Variants in SORCS3 observed in about 807,000 individuals in gnomAD.
The protein encoded by SORCS3 is sortilin related VPS10 domain containing receptor 3, also known as VPS10 domain-containing receptor SorCS3.
SORCS3 carries 57 observed loss-of-function variants against 146.3 expected under a neutral mutation model. That is an observed-to-expected ratio of 0.39 (90% CI 0.31 to 0.49). SORCS3 has a LOEUF of 0.49. Ranked by LOEUF, SORCS3 falls within the 20% of genes least tolerant of loss-of-function variation. SORCS3 has a pLI of 0.92. For synonymous variants in SORCS3, 653 were observed against 618.5 expected, an observed-to-expected ratio of 1.06 and a Z score of -0.83; for missense variants, 1,341 against 1,575.5, an observed-to-expected ratio of 0.85 and a Z score of 2.52.
chr10:104,664,536 C>T (rs776971535), intron 1 of SORCS3: 2 of 152,214 alleles, frequency 1.3e-5, no homozygotes, highest in African/African-American at 4.8e-5. Context: ...CTGCTTATGT[C>T]ACCACATTCC....
Position 104,696,138 on chromosome 10 carries a change from A to G in SORCS3, c.627+54184A>G, listed in dbSNP as rs2016180964. Among the ~76,000 whole-genome samples the G allele has an allele frequency of 1.9e-5, 2 of 106,820 alleles. 1 individual carries two copies. The highest frequency in any genetic ancestry group is 7.2e-5 in the African/African-American group (2 of 27,806). 70.1% of individuals were successfully genotyped at this position (106,820 alleles called of 152,430 possible). ...TATATATAATATATATCATATACAC[A>G]TATTATATATAATATATATACACAT... On this transcript the variant is annotated intron_variant, in intron 1 of 26. Coordinates refer to ENST00000369701, the MANE Select transcript of SORCS3 (RefSeq NM_014978.3).
At chr10:105,144,085 G>C (rs1375794413) in intron 8 of SORCS3, among the ~76,000 whole-genome samples, 2 of 152,144 alleles carry the variant, frequency 1.3e-5, no homozygotes, top group African/African-American at 4.8e-5. Flanking sequence ...TTAAAATCTT[G>C]TGATAATTTT....
At chr10:104,697,310 T>TGGAGTCAA (rs1475608903) in intron 1 of SORCS3, among the ~76,000 whole-genome samples, 1 of 152,114 alleles carries the variant, frequency 6.6e-6, no homozygotes, top group African/African-American at 2.4e-5. Context: ...ACAGTAGGTG[T>TGGAGTCAA]GGAGTCAATA....
intron 1 of SORCS3, among the ~76,000 whole-genome samples, chr10:104,816,441 C>G (rs1422165139): frequency 6.6e-6 from 1 of 152,152 alleles, no homozygotes; most frequent in Non-Finnish European, 1.5e-5. Context: ...CTTAGACTAA[C>G]CATTTGTTAA....
chr10:104,750,960 G>A (rs559418232), intron 1 of SORCS3, among the ~76,000 whole-genome samples: 1 of 152,086 alleles, frequency 6.6e-6, no homozygotes, highest in Non-Finnish European at 1.5e-5. Context: ...TCGGAATATC[G>A]TGTCTATAAT....
chr10:105,199,981 C>T lies in SORCS3; in HGVS notation c.2010-18C>T, dbSNP rs1434155154. 1.9e-6 allele frequency: 3 copies of T among 1,593,166 alleles called. No individual in the cohort carries two copies. Among genetic ancestry groups the T allele is most frequent in the South Asian group, 2.2e-5 (2 of 90,424 alleles). On this transcript the variant is annotated intron_variant, in intron 14 of 26. Coordinates refer to ENST00000369701, the MANE Select transcript of SORCS3 (RefSeq NM_014978.3). ...ACTTTCTCCCCTTGTGTCTCCCACTCCTCCCCTAAACACTTAGAGTTTTTG... is the reference window on the plus strand; with the variant it reads ...ACTTTCTCCCCTTGTGTCTCCCACTTCTCCCCTAAACACTTAGAGTTTTTG...
rs558600609 is a variant in SORCS3, at chr10:105,151,387, C to G, written c.1482+3591C>G. On this transcript the variant is annotated intron_variant, in intron 9 of 26. Transcript: ENST00000369701. Reference sequence around the variant, plus strand: ...AGTATTTCTTTATCTTTTTTCCCCTCATATTTACATACCCAGAAAATATTC... The same window carrying G: ...AGTATTTCTTTATCTTTTTTCCCCTGATATTTACATACCCAGAAAATATTC... Among the ~76,000 whole-genome samples, 37 of 152,228 alleles carry G rather than the reference C, an allele frequency of 2.4e-4. No individual in the cohort carries two copies. In the South Asian group the frequency reaches 7.5e-3, roughly 31 times the overall value.
chr10:104,777,818 T>G (rs2133489003), intron 1 of SORCS3, among the ~76,000 whole-genome samples: 1 of 152,304 alleles, frequency 6.6e-6, no homozygotes, highest in South Asian at 2.1e-4. Context: ...GATATCATTT[T>G]AAGGGTGATG....
intron 3 of SORCS3, among the ~76,000 whole-genome samples, chr10:104,919,475 G>A (rs1163244357): frequency 6.6e-6 from 1 of 152,024 alleles, no homozygotes; most frequent in Non-Finnish European, 1.5e-5. Flanking sequence ...CAGATCACCT[G>A]AGGTCGGGAG....
chr10:105,186,790 G>A (rs1414592803), intron 14 of SORCS3, among the ~76,000 whole-genome samples: 1 of 151,616 alleles, frequency 6.6e-6, no homozygotes, highest in African/African-American at 2.4e-5. Context: ...AGGCTGAGGT[G>A]GGAGAATCGC....
intron 1 of SORCS3, among the ~76,000 whole-genome samples, chr10:104,671,492 G>C (rs768705164): frequency 1.4e-5 from 2 of 142,688 alleles, no homozygotes; most frequent in East Asian, 2.2e-4. Context: ...GTGCCACCAT[G>C]CTTGGCTAAC....
At chr10:104,757,869 AC>A (rs1564676735) in intron 1 of SORCS3, among the ~76,000 whole-genome samples, 8 of 11,762 alleles carry the variant, frequency 6.8e-4, no homozygotes, top group South Asian at 4.4e-3. Flanking sequence ...CCCCCCCCCC[AC>A]ACCCGCTGCC....
chr10:105,097,967 G>T (rs791118), intron 6 of SORCS3, among the ~76,000 whole-genome samples: 40,436 of 152,020 alleles, frequency 0.27, 5,593 homozygotes, highest in Middle Eastern at 0.34. Flanking sequence ...TCATCATCCC[G>T]CATTAAGCAA....
chr10:104,736,798 T>A (rs568980306), intron 1 of SORCS3, among the ~76,000 whole-genome samples: 5 of 151,538 alleles, frequency 3.3e-5, no homozygotes, highest in African/African-American at 1.2e-4. Context: ...ATTATTATTA[T>A]ACTTAAAGTT....
intron 1 of SORCS3, among the ~76,000 whole-genome samples, chr10:104,781,177 C>G (rs1352732179): frequency 1.3e-5 from 2 of 152,182 alleles, no homozygotes; most frequent in African/African-American, 4.8e-5. Context: ...TCAGATCTCA[C>G]CTTTGCAACT....
intron 4 of SORCS3, among the ~76,000 whole-genome samples, chr10:105,033,814 C>A (rs1325668362): frequency 3.3e-5 from 5 of 152,154 alleles, no homozygotes; most frequent in Non-Finnish European, 7.3e-5. Context: ...GTACTCTTAC[C>A]TGTTTTGGCC....
intron 1 of SORCS3, among the ~76,000 whole-genome samples, chr10:104,814,436 G>A (rs1314763798): frequency 6.6e-6 from 1 of 152,088 alleles, no homozygotes; most frequent in Admixed American, 6.6e-5. Flanking sequence ...TGTCATTCCT[G>A]ATCAGCATGC....
At chr10:105,140,514 C>T (rs1364480465) in intron 8 of SORCS3, among the ~76,000 whole-genome samples, 1 of 152,074 alleles carries the variant, frequency 6.6e-6, no homozygotes, top group East Asian at 1.9e-4. Flanking sequence ...GAGAGTGTTA[C>T]AGAAGTTCAA....
chr10:104,953,848 A>G (rs949901677), intron 3 of SORCS3, among the ~76,000 whole-genome samples: 1 of 152,252 alleles, frequency 6.6e-6, no homozygotes, highest in African/African-American at 2.4e-5. Context: ...AGTCTGATGC[A>G]GTCACAGACA....
Sources: allele counts gnomAD v4.1 joint callset (sites outside exome capture counted in the v4.1 genomes callset), GRCh38; gene constraint gnomAD v4.1.1; transcripts MANE v1.5; gene names NCBI Gene and HGNC (gene_info 2026-07-23, HGNC 2026-07-21).